Variants in NTF3 observed in about 807,000 individuals in gnomAD.
The protein encoded by NTF3 is neurotrophin-3.
A neutral mutation model predicts 26.3 loss-of-function variants in NTF3; 8 were observed. The ratio of observed to expected loss-of-function variants is 0.30; its 90% CI spans 0.18 to 0.55. The LOEUF is 0.55. Among genes scored for constraint, NTF3 ranks in the 20% least tolerant of loss-of-function variants. The pLI, the probability that NTF3 is intolerant of heterozygous loss-of-function variation, is 0.93. For synonymous variants in NTF3, 154 were observed against 145.5 expected (o/e 1.06, Z -0.42); for missense variants, 276 against 352.9 (o/e 0.78, Z 1.75).
intron 1 of NTF3, among the ~76,000 whole-genome samples, chr12:5,488,640 C>T (rs895367425): frequency 2.0e-5 from 3 of 152,136 alleles, no homozygotes; most frequent in Non-Finnish European, 4.4e-5. Flanking sequence ...TTAATATTTC[C>T]ACCACATTCC....
chr12:5,464,044 T>C (rs765865712), intron 1 of NTF3, among the ~76,000 whole-genome samples: 1 of 152,202 alleles, frequency 6.6e-6, no homozygotes, highest in African/African-American at 2.4e-5. Context: ...CTGTGCTTTG[T>C]CTGTTTTTCT....
intron 1 of NTF3, among the ~76,000 whole-genome samples, chr12:5,491,546 G>A (rs550846228): frequency 2.6e-4 from 39 of 152,144 alleles, no homozygotes; most frequent in African/African-American, 4.8e-4. Context: ...ACTGAAAAAC[G>A]GGTGAAATTT....
chr12:5,459,357 G>C (rs1381229754), intron 1 of NTF3, among the ~76,000 whole-genome samples: 1 of 152,158 alleles, frequency 6.6e-6, no homozygotes, highest in Non-Finnish European at 1.5e-5. Flanking sequence ...GAAGCTCAAG[G>C]CTCAGTGTCT....
At chr12:5,465,482 G>A (rs1940578069) in intron 1 of NTF3, among the ~76,000 whole-genome samples, 1 of 152,238 alleles carries the variant, frequency 6.6e-6, no homozygotes, top group South Asian at 2.1e-4. Context: ...GTGGGAAATT[G>A]AGGTCAAAGG....
chr12:5,434,457 G>A (rs1172287745), intron 1 of NTF3, among the ~76,000 whole-genome samples: 3 of 146,800 alleles, frequency 2.0e-5, no homozygotes, highest in Non-Finnish European at 3.0e-5. Context: ...GGGAGGGATG[G>A]GGATGTTTTT....
intron 1 of NTF3, among the ~76,000 whole-genome samples, chr12:5,480,604 C>A (rs1940778150): frequency 6.6e-6 from 1 of 152,172 alleles, no homozygotes. Context: ...CCAAAGGACC[C>A]TCCAACCTGA....
intron 1 of NTF3, among the ~76,000 whole-genome samples, chr12:5,450,503 T>G (rs1374810749): frequency 6.6e-6 from 1 of 152,232 alleles, no homozygotes; most frequent in African/African-American, 2.4e-5. Context: ...CCCTATCACA[T>G]TGCCTCTGCA....
At chr12:5,476,457 G>A (rs1029745949) in intron 1 of NTF3, among the ~76,000 whole-genome samples, 2 of 152,202 alleles carry the variant, frequency 1.3e-5, no homozygotes, top group African/African-American at 4.8e-5. Context: ...AGATCCTTGA[G>A]AACATCAATT....
intron 1 of NTF3, among the ~76,000 whole-genome samples, chr12:5,481,642 G>A (rs1565395416): frequency 5.9e-5 from 5 of 85,046 alleles, no homozygotes; most frequent in African/African-American, 2.6e-4. Context: ...CACACATACA[G>A]ATATACTCAC....
At chr12:5,469,170 CA>C (rs1940633201) in intron 1 of NTF3, among the ~76,000 whole-genome samples, 1 of 151,672 alleles carries the variant, frequency 6.6e-6, no homozygotes, top group South Asian at 2.1e-4. Context: ...AAATCTGTAA[CA>C]GAAAATTATG....
At chr12:5,488,175 C>T (rs114861914) in intron 1 of NTF3, among the ~76,000 whole-genome samples, 4,107 of 152,268 alleles carry the variant, frequency 0.027, 111 homozygotes, top group African/African-American at 0.075. Context: ...CCCTTCATCC[C>T]TTTCCAAGCA....
chr12:5,445,789 T>A (rs1940298597), intron 1 of NTF3, among the ~76,000 whole-genome samples: 1 of 152,226 alleles, frequency 6.6e-6, no homozygotes, highest in African/African-American at 2.4e-5. Flanking sequence ...GGCTTTGCCA[T>A]GATATCTGTC....
In NTF3 at chr12:5,439,131, T is replaced by A. The variant is rs139336451; in HGVS notation, c.18+6789T>A. ...TAGGTCTGATGCTAATCATTCAGCT[T>A]CCACGTGAATGTCTTTCAGTGGCAA... is the stretch of plus-strand genomic sequence containing the variant. On this transcript the variant is annotated intron_variant, in intron 1 of 1. Coordinates refer to ENST00000423158, the MANE Select transcript of NTF3 (RefSeq NM_001102654.2). 3.7e-3 allele frequency among the ~76,000 whole-genome samples: 568 copies of A among 152,306 alleles called. 3 individuals carry two copies. The highest frequency in any genetic ancestry group is 0.013 in the African/African-American group (530 of 41,558).
At chr12:5,459,142 G>A (rs1940493405) in intron 1 of NTF3, among the ~76,000 whole-genome samples, 1 of 152,082 alleles carries the variant, frequency 6.6e-6, no homozygotes, top group Non-Finnish European at 1.5e-5. Context: ...CCTCCCAAAG[G>A]TAATGCCTGG....
intron 1 of NTF3, among the ~76,000 whole-genome samples, chr12:5,455,957 G>A (rs994723688): frequency 3.9e-5 from 6 of 152,110 alleles, no homozygotes; most frequent in African/African-American, 7.2e-5. Flanking sequence ...GGTCATGATC[G>A]CCCACCCCAG....
At chr12:5,465,395 G>A (rs1048850002) in intron 1 of NTF3, among the ~76,000 whole-genome samples, 3 of 152,228 alleles carry the variant, frequency 2.0e-5, no homozygotes, top group South Asian at 2.1e-4. Context: ...CCACGACAAC[G>A]TGTGTTTGTG....
intron 1 of NTF3, among the ~76,000 whole-genome samples, chr12:5,461,262 C>T (rs935708995): frequency 2.6e-5 from 4 of 152,124 alleles, no homozygotes; most frequent in Admixed American, 6.6e-5. Context: ...TAGTCTGATT[C>T]GAGTTTAATC....
chr12:5,455,998 C>T (rs1940442106), intron 1 of NTF3, among the ~76,000 whole-genome samples: 1 of 152,112 alleles, frequency 6.6e-6, no homozygotes, highest in Admixed American at 6.5e-5. Flanking sequence ...GTGCGGGCCA[C>T]TAGAGAAAAA....
chr12:5,494,485 G>A lies in NTF3; in HGVS notation c.310G>A (p.Glu104Lys). The A allele has an allele frequency of 6.2e-7, 1 of 1,613,742 alleles. No homozygotes were observed. Among genetic ancestry groups the A allele is most frequent in the East Asian group, 2.2e-5 (1 of 44,858 alleles). The change falls in exon 2 of 2, where the codon GAA (glutamate) becomes AAA (lysine). Residue 104 changes from glutamate (E) to lysine (K), a missense_variant. This residue lies in a region of NTF3 where 221 missense variants were observed against 258.2 expected (regional missense o/e 0.86). Coordinates refer to ENST00000423158, the MANE Select transcript of NTF3 (RefSeq NM_001102654.2). The surrounding 1 kb of genome is among the most constrained non-coding windows in gnomAD (Gnocchi z 8.3). ...AFQPVIAMDTELLRQQRRYNS... is the reference protein window; with the variant it reads ...AFQPVIAMDTKLLRQQRRYNS... ...CCAGCCGGTGATTGCAATGGACACC[G>A]AACTGCTGCGACAACAGAGACGCTA...
Sources: gnomAD v4.1 joint callset for allele counts (sites outside exome capture counted in the v4.1 genomes callset) on GRCh38, gnomAD v4.1.1 for gene constraint, gnomAD v4.1.1 regional missense constraint, Gnocchi (gnomAD v3.1) non-coding constraint, MANE v1.5 for transcripts, NCBI Gene and HGNC (gene_info 2026-07-23, HGNC 2026-07-21) for gene names.